Variants in RPA2 observed in about 807,000 individuals in gnomAD.
The protein encoded by RPA2 is replication protein A2, also known as replication protein A 32 kDa subunit.
Under a neutral mutation model 33.4 loss-of-function variants are expected in RPA2, and 22 were observed. That is an observed-to-expected ratio of 0.66 (90% CI 0.47 to 0.94). The LOEUF is 0.94. Among genes scored for constraint, RPA2 ranks in the 40% least tolerant of loss-of-function variants. The pLI, the probability that RPA2 is intolerant of heterozygous loss-of-function variation, is 0.00. For synonymous variants in RPA2, 109 were observed against 114.9 expected (o/e 0.95, Z 0.33); for missense variants, 279 against 329.9 (o/e 0.85, Z 1.19).
chr1:27,907,481 G>A (rs1382799144), intron 2 of RPA2, among the ~76,000 whole-genome samples, 199 bp from the exon 3 acceptor site: 1 of 152,204 alleles, frequency 6.6e-6, no homozygotes, highest in Non-Finnish European at 1.5e-5. Flanking sequence ...ACCCAGGTTT[G>A]TCTAACTCCA....
At position 27,894,032 on chromosome 1, in the gene RPA2, G is replaced by A; in HGVS notation, c.708C>T (p.His236=). The A allele has an allele frequency of 6.2e-7, 1 of 1,614,022 alleles. No individual in the cohort carries two copies. The highest frequency in any genetic ancestry group is 1.1e-5 in the South Asian group (1 of 91,078). ...CTTACTTGATTGAGGATACAGACAT[G>A]TGTTTCAGCTGGTTCTTGAGATCCT... ...NFQDLKNQLK[H]MSVSSIKQAV... is the part of the protein sequence containing the mutation. The change falls in exon 8 of 9, where the codon CAC becomes CAT. Residue 236 remains histidine (H), a synonymous_variant. Coordinates refer to ENST00000373912, the MANE Select transcript of RPA2 (RefSeq NM_002946.5).
chr1:27,901,215 C>T (rs1319869051), intron 4 of RPA2, among the ~76,000 whole-genome samples: 2 of 152,126 alleles, frequency 1.3e-5, no homozygotes, highest in African/African-American at 4.8e-5. Flanking sequence ...CAAGAAATTG[C>T]CACAGCCAGC....
At chr1:27,913,087 G>T (rs2090120324) in intron 2 of RPA2, among the ~76,000 whole-genome samples, 1 of 151,872 alleles carries the variant, frequency 6.6e-6, no homozygotes, top group Admixed American at 6.6e-5. Context: ...CTAGTAGCTG[G>T]GATTACAGGT....
At chr1:27,912,494 G>A (rs528371022) in intron 2 of RPA2, among the ~76,000 whole-genome samples, 6 of 152,158 alleles carry the variant, frequency 3.9e-5, no homozygotes, top group Admixed American at 2.6e-4. Flanking sequence ...CCAAGCTGCA[G>A]TGAGCTGTGA....
chr1:27,914,048 C>A lies in RPA2; in HGVS notation c.117+15G>T. On this transcript the variant is annotated intron_variant, in intron 2 of 8. Transcript: ENST00000373912. ...GGACAGGATAAAACAAAACTAAATA[C>A]TCCTTTCAACCTACTGATTTCTTTT... 1 of 1,559,920 alleles carries A rather than the reference C, an allele frequency of 6.4e-7. No individual in the cohort carries two copies. The highest frequency in any genetic ancestry group is 8.7e-7 in the Non-Finnish European group (1 of 1,153,398).
At chr1:27,898,807 G>A (rs893638210) in intron 4 of RPA2, among the ~76,000 whole-genome samples, 4 of 151,790 alleles carry the variant, frequency 2.6e-5, no homozygotes, top group African/African-American at 9.7e-5. Context: ...TCCACCCGTC[G>A]CGGCCTCCCA....
chr1:27,899,831 C>T (rs896821840), intron 4 of RPA2, among the ~76,000 whole-genome samples: 3 of 152,054 alleles, frequency 2.0e-5, no homozygotes, highest in African/African-American at 7.2e-5. Flanking sequence ...CAGGCGCCCG[C>T]CACCACGCCC....
rs755260671 is a variant in RPA2, at chr1:27,897,647, G to C, written c.394C>G (p.Leu132Val). ...PETYVKVAGH[L>V]RSFQNKKSLV... ...TCTGACTTTACCTGAAAAGATCTCA[G>C]GTGGCCTGCCACTTTCACATATGTT... The change falls in exon 5 of 9, where the codon CTG becomes GTG. Residue 132 changes from leucine to valine, a missense_variant. Coordinates refer to ENST00000373912, the MANE Select transcript of RPA2 (RefSeq NM_002946.5). The C allele has an allele frequency of 3.1e-6, 5 of 1,602,264 alleles. No individual in the cohort carries two copies. In the South Asian group the frequency reaches 5.7e-5, roughly 18 times the overall value.
At position 27,914,133 on chromosome 1, in the gene RPA2, C is replaced by T; in HGVS notation, c.47G>A (p.Gly16Glu). Residue 16 changes from glycine (G) to glutamate (E), a missense_variant, in exon 2 of 9, where the codon GGA becomes GAA. This residue lies in a region of RPA2 where 274 missense variants were observed against 310.3 expected (regional missense o/e 0.88). Transcript: ENST00000373912. ...FESYGSSSYG[G>E]AGGYTQSPGG... ...CGGGGACTGCGTGTAGCCGCCGGCT[C>T]CCCCGTATGAGGAGCTGCCATAGCT... 6.2e-7 allele frequency: 1 copy of T among 1,612,478 alleles called. No homozygotes were observed. The highest frequency in any genetic ancestry group is 1.1e-5 in the South Asian group (1 of 90,974).
chr1:27,903,469 C>T (rs978358395), intron 4 of RPA2, among the ~76,000 whole-genome samples: 1 of 151,960 alleles, frequency 6.6e-6, no homozygotes, highest in Non-Finnish European at 1.5e-5. Context: ...AGCCTGTAAT[C>T]CCAGCACTTT....
Position 27,892,091 on chromosome 1 carries a change from G to A in RPA2, c.*72C>T. The A allele has an allele frequency of 7.8e-7, 1 of 1,285,140 alleles. No homozygotes were observed. Among genetic ancestry groups the A allele is most frequent in the South Asian group, 1.2e-5 (1 of 81,118 alleles). 79.6% of individuals were successfully genotyped at this position (1,285,140 alleles called of 1,614,324 possible). A position where few individuals can be genotyped will look rare whatever the true frequency, so the allele number is the denominator to read the frequency against. Reference sequence around the variant, plus strand: ...CTAGAAGCCCCCTGGCCAGACATATGCAGAGCTGGAGACAACAGATTGTGA... The same window carrying A: ...CTAGAAGCCCCCTGGCCAGACATATACAGAGCTGGAGACAACAGATTGTGA... On this transcript the variant is annotated 3_prime_UTR_variant, in exon 9 of 9. Transcript: ENST00000373912.
intron 4 of RPA2, among the ~76,000 whole-genome samples, chr1:27,903,210 T>G (rs184507695): frequency 7.2e-5 from 11 of 152,222 alleles, no homozygotes; most frequent in Non-Finnish European, 1.3e-4. Flanking sequence ...ATTACAGGCG[T>G]GAGCCACGAC....
intron 2 of RPA2, among the ~76,000 whole-genome samples, chr1:27,909,218 A>C (rs987508825): frequency 2.6e-5 from 4 of 152,216 alleles, no homozygotes; most frequent in African/African-American, 9.6e-5. Flanking sequence ...CTTAGAACAC[A>C]GTAGACTCTT....
At chr1:27,905,107 T>C (rs947785653) in intron 4 of RPA2, among the ~76,000 whole-genome samples, 5 of 152,218 alleles carry the variant, frequency 3.3e-5, no homozygotes, top group Non-Finnish European at 4.4e-5. Flanking sequence ...AAGACACTTA[T>C]ATATATGCTG....
intron 4 of RPA2, among the ~76,000 whole-genome samples, chr1:27,903,854 T>C (rs1430393379): frequency 4.2e-4 from 54 of 127,540 alleles, no homozygotes; most frequent in African/African-American, 1.7e-3. Flanking sequence ...GCCAAGACCC[T>C]GTCTCTATTT....
At chr1:27,893,796 C>T (rs1198837231) in intron 8 of RPA2, among the ~76,000 whole-genome samples, 7 of 151,272 alleles carry the variant, frequency 4.6e-5, no homozygotes, top group Non-Finnish European at 4.4e-5. Context: ...TTAGTAGAAA[C>T]GGGGTTTTCA....
intron 1 of RPA2, 106 bp from the exon 2 acceptor site, chr1:27,914,275 AC>A: frequency 6.3e-7 from 1 of 1,597,398 alleles, no homozygotes; most frequent in Non-Finnish European, 8.5e-7. Context: ...AGTCTCCCTA[AC>A]CTTCCTCGCC....
Position 27,907,011 on chromosome 1 carries a change from C to A in RPA2, c.250G>T (p.Glu84Ter). 1 of 1,613,362 alleles carries A rather than the reference C, an allele frequency of 6.2e-7. No individual in the cohort carries two copies. The highest frequency in any genetic ancestry group is 8.5e-7 in the Non-Finnish European group (1 of 1,179,878). Residue 84 changes from glutamate to a stop codon, truncating the protein, a stop_gained, in exon 4 of 9, where the codon GAG becomes TAG. Transcript: ENST00000373912. LOFTEE classifies it high-confidence loss of function. ...VTIVGIIRHAEKAPTNIVYKI... is the reference protein window; with the variant it reads ...VTIVGIIRHA ...TAAACAATGTTGGTTGGAGCCTTCT[C>A]TGCATGTCTGATGATCCCCACAATA...
chr1:27,908,176 G>T lies in RPA2; in HGVS notation c.118-894C>A, dbSNP rs140604273. Among the ~76,000 whole-genome samples, 18 of 151,966 alleles carry T rather than the reference G, an allele frequency of 1.2e-4. No individual in the cohort carries two copies. The East Asian group carries it at 3.5e-3, about 29-fold the overall frequency. On this transcript the variant is annotated intron_variant, in intron 2 of 8. Transcript: ENST00000373912. Reference sequence around the variant, plus strand: ...GGGTCTTGTTCTGTCACTCAGGCTGGAGTGCAGTGGCATTACAGCTCACTG... The same window carrying T: ...GGGTCTTGTTCTGTCACTCAGGCTGTAGTGCAGTGGCATTACAGCTCACTG...
Sources: allele counts gnomAD v4.1 joint callset (sites outside exome capture counted in the v4.1 genomes callset), GRCh38; gene constraint gnomAD v4.1.1; regional missense constraint gnomAD v4.1.1; transcripts MANE v1.5; gene names NCBI Gene and HGNC (gene_info 2026-07-23, HGNC 2026-07-21).